PPFIBP2: variants seen among roughly 807,000 people sequenced by gnomAD.
PPFIBP2 encodes PPFIB scaffold protein 2.
A neutral mutation model predicts 118.3 loss-of-function variants in PPFIBP2; 118 were observed. The ratio of observed to expected loss-of-function variants is 1.00; its 90% CI spans 0.86 to 1.16. PPFIBP2 has a LOEUF of 1.16. PPFIBP2 is among the 50% of genes most tolerant of loss of function. The probability of loss-of-function intolerance (pLI) is 0.00; values close to 1 mark genes in which losing one functional copy is unlikely to be tolerated. For missense variants in PPFIBP2, 1,195 were observed against 1,073.1 expected, an observed-to-expected ratio of 1.11 and a Z score of -1.59; for synonymous variants, 414 against 397.4, an observed-to-expected ratio of 1.04 and a Z score of -0.50.
chr11:7,581,513 T>C (rs111241361), intron 3 of PPFIBP2, among the ~76,000 whole-genome samples: 3,029 of 152,198 alleles, frequency 0.02, 128 homozygotes, highest in African/African-American at 0.07. Flanking sequence ...TGTGAGACTT[T>C]ATTCTGTGTC....
intron 4 of PPFIBP2, chr11:7,597,263 G>C (rs1163634253): frequency 1.3e-6 from 2 of 1,535,096 alleles, no homozygotes; most frequent in Admixed American, 2.0e-5. Flanking sequence ...AGGAGCAGGA[G>C]TCCAGCCCAG....
intron 6 of PPFIBP2, among the ~76,000 whole-genome samples, chr11:7,611,111 T>C (rs1848022956): frequency 6.6e-6 from 1 of 152,200 alleles, no homozygotes; most frequent in South Asian, 2.1e-4. Flanking sequence ...CACCTAGCAA[T>C]GAGAGATATG....
chr11:7,594,225 T>G (rs1226737324), intron 4 of PPFIBP2, among the ~76,000 whole-genome samples: 2 of 152,202 alleles, frequency 1.3e-5, no homozygotes, highest in Non-Finnish European at 2.9e-5. Context: ...TTTAAAATTC[T>G]AAAAATGTGA....
At chr11:7,603,399 C>G (rs11605093) in intron 5 of PPFIBP2, among the ~76,000 whole-genome samples, 24,326 of 152,216 alleles carry the variant, frequency 0.16, 2,543 homozygotes, top group East Asian at 0.29. Context: ...CTACAAGCAC[C>G]TCTTCTCTGC....
At chr11:7,630,121 C>G (rs1405362555) in intron 10 of PPFIBP2, among the ~76,000 whole-genome samples, 1 of 152,170 alleles carries the variant, frequency 6.6e-6, no homozygotes, top group African/African-American at 2.4e-5. Flanking sequence ...TTGTTCATGC[C>G]ATTGACCTGG....
intron 4 of PPFIBP2, chr11:7,597,291 G>A: frequency 6.5e-7 from 1 of 1,535,636 alleles, no homozygotes; most frequent in Non-Finnish European, 8.7e-7. Context: ...TCCTGTGGCT[G>A]TTGGGTGTTT....
chr11:7,536,846 A>T (rs1012474052), intron 1 of PPFIBP2, among the ~76,000 whole-genome samples: 1 of 152,076 alleles, frequency 6.6e-6, no homozygotes, highest in Non-Finnish European at 1.5e-5. Flanking sequence ...AGGACTCTAC[A>T]CTCTGATGAA....
intron 15 of PPFIBP2, 145 bp downstream of exon 15, chr11:7,640,015 G>A: frequency 9.3e-7 from 1 of 1,079,270 alleles, no homozygotes; most frequent in Non-Finnish European, 1.2e-6. Context: ...ACCTTGGGGT[G>A]GTCCCACCTC....
intron 1 of PPFIBP2, among the ~76,000 whole-genome samples, chr11:7,543,926 G>A (rs1462756621): frequency 6.6e-6 from 1 of 152,204 alleles, no homozygotes; most frequent in Admixed American, 6.5e-5. Context: ...TGCAGTTCAT[G>A]TGGCTGTGGC....
intron 1 of PPFIBP2, among the ~76,000 whole-genome samples, chr11:7,526,787 G>T (rs1053314851): frequency 6.6e-6 from 1 of 152,154 alleles, no homozygotes; most frequent in Non-Finnish European, 1.5e-5. Context: ...CCCACTTAGT[G>T]ACAAGGGCTG....
At chr11:7,605,578 G>A (rs1287037281) in intron 5 of PPFIBP2, among the ~76,000 whole-genome samples, 2 of 152,228 alleles carry the variant, frequency 1.3e-5, no homozygotes, top group Non-Finnish European at 1.5e-5. Context: ...TGCACATGAG[G>A]CCTGTTACAG....
intron 1 of PPFIBP2, among the ~76,000 whole-genome samples, chr11:7,529,660 T>G (rs1326526996): frequency 2.0e-5 from 3 of 152,202 alleles, no homozygotes; most frequent in Non-Finnish European, 4.4e-5. Context: ...AGAGCCCAGT[T>G]CAGCTTTAGC....
chr11:7,520,841 A>G (rs1849694780), intron 1 of PPFIBP2, among the ~76,000 whole-genome samples: 1 of 152,274 alleles, frequency 6.6e-6, no homozygotes. Flanking sequence ...GATGGCACCT[A>G]TGTGTCTCTG....
intron 17 of PPFIBP2, among the ~76,000 whole-genome samples, chr11:7,644,151 T>A (rs879824498): frequency 2.6e-5 from 4 of 152,220 alleles, no homozygotes; most frequent in African/African-American, 7.2e-5. Flanking sequence ...TTCTAACTGT[T>A]CTCTATTAAG....
chr11:7,553,124 T>C (rs7949659), intron 2 of PPFIBP2, among the ~76,000 whole-genome samples: 50,656 of 152,078 alleles, frequency 0.33, 9,635 homozygotes, highest in African/African-American at 0.52. Context: ...GGTATACATA[T>C]AGGTTTCTGT....
intron 14 of PPFIBP2, among the ~76,000 whole-genome samples, chr11:7,637,333 T>C (rs1219500256): frequency 1.3e-5 from 2 of 152,220 alleles, no homozygotes; most frequent in East Asian, 1.9e-4. Flanking sequence ...CTCTTCTAGA[T>C]TGCTATTTCT....
chr11:7,625,774 C>G lies in PPFIBP2; in HGVS notation c.712-3C>G. ...TGGTAGGGATCCTCTGTTGCTCTTC[C>G]AGGCTGAAGTCGCCCAGCTGCAAGA... On this transcript the variant is annotated splice_region_variant and splice_polypyrimidine_tract_variant and intron_variant, in intron 7 of 23. Coordinates refer to ENST00000299492, the MANE Select transcript of PPFIBP2 (RefSeq NM_003621.5). 2.5e-6 allele frequency: 4 copies of G among 1,613,902 alleles called. No homozygotes were observed. The highest frequency in any genetic ancestry group is 1.1e-5 in the South Asian group (1 of 91,070).
chr11:7,578,765 T>C (rs1193711221), intron 3 of PPFIBP2, among the ~76,000 whole-genome samples: 2 of 152,020 alleles, frequency 1.3e-5, no homozygotes, highest in African/African-American at 4.8e-5. Flanking sequence ...CGCTGAAAAC[T>C]GAAAGAGCAG....
At chr11:7,530,281 T>C (rs1850578713) in intron 1 of PPFIBP2, among the ~76,000 whole-genome samples, 1 of 146,082 alleles carries the variant, frequency 6.8e-6, no homozygotes, top group South Asian at 2.2e-4. Context: ...GAGAGGTTAA[T>C]GTCCATATTA....
Sources: allele counts gnomAD v4.1 joint callset (sites outside exome capture counted in the v4.1 genomes callset), GRCh38; gene constraint gnomAD v4.1.1; transcripts MANE v1.5; gene names NCBI Gene and HGNC (gene_info 2026-07-23, HGNC 2026-07-21).